DNAH14: variants seen among roughly 807,000 people sequenced by gnomAD.
The protein encoded by DNAH14 is dynein axonemal heavy chain 14.
A neutral mutation model predicts 520.9 loss-of-function variants in DNAH14; 478 were observed. That is an observed-to-expected ratio of 0.92 (90% CI 0.85 to 0.99). The LOEUF is 0.99. DNAH14 is among the 50% of genes least tolerant of loss of function. The pLI is 0.00. For missense variants in DNAH14, 4,831 were observed against 5,234.5 expected, an observed-to-expected ratio of 0.92 and a Z score of 2.38; for synonymous variants, 1,581 against 1,757.2, an observed-to-expected ratio of 0.90 and a Z score of 2.51.
intron 58 of DNAH14, among the ~76,000 whole-genome samples, chr1:225,306,543 A>G (rs779859738): frequency 6.6e-6 from 1 of 152,096 alleles, no homozygotes; most frequent in Non-Finnish European, 1.5e-5. Context: ...ACCTCCTGGG[A>G]TCTAAGGTGT....
Position 225,291,920 on chromosome 1 carries a change from T to A in DNAH14, c.8469+1838T>A, listed in dbSNP as rs370690740. Among the ~76,000 whole-genome samples the A allele has an allele frequency of 1.2e-4, 18 of 152,224 alleles. No homozygotes were observed. The South Asian group carries it at 3.7e-3, about 31-fold the overall frequency. On this transcript the variant is annotated intron_variant, in intron 55 of 85. Transcript: ENST00000682510. ...ATTTGCCCATTTTTTAATCAGGTTT[T>A]GTTTTGTTTTTCGTTCTTTATTTTT... is the stretch of plus-strand genomic sequence containing the variant.
At chr1:225,093,904 T>C (rs916314520) in intron 21 of DNAH14, among the ~76,000 whole-genome samples, 4 of 151,974 alleles carry the variant, frequency 2.6e-5, no homozygotes, top group Non-Finnish European at 5.9e-5. Flanking sequence ...AAGAGTATGA[T>C]ACTAGGAATG....
intron 75 of DNAH14, among the ~76,000 whole-genome samples, chr1:225,363,533 A>C (rs566617952): frequency 6.6e-6 from 1 of 152,060 alleles, no homozygotes; most frequent in Non-Finnish European, 1.5e-5. Flanking sequence ...CCATACCCTA[A>C]ATCTCCTTTA....
At chr1:225,026,100 G>A (rs2066097385) in intron 11 of DNAH14, among the ~76,000 whole-genome samples, 1 of 151,942 alleles carries the variant, frequency 6.6e-6, no homozygotes, top group Non-Finnish European at 1.5e-5. Flanking sequence ...ACATAGCTGG[G>A]ACTACAGGTT....
At chr1:225,082,783 A>T in intron 20 of DNAH14, 44 bp downstream of exon 20, 6 of 1,482,764 alleles carry the variant, frequency 4.0e-6, no homozygotes, top group Non-Finnish European at 5.5e-6. Context: ...GAAATACCAG[A>T]TGGGCCAATT....
chr1:225,161,746 C>A (rs1456241983), intron 35 of DNAH14, among the ~76,000 whole-genome samples: 1 of 152,122 alleles, frequency 6.6e-6, no homozygotes, highest in African/African-American at 2.4e-5. Flanking sequence ...ATTTGTATTT[C>A]TCTGATGATC....
chr1:225,118,072 G>T (rs2077000822), intron 25 of DNAH14, 73 bp downstream of exon 25: 1 of 1,183,408 alleles, frequency 8.5e-7, no homozygotes, highest in South Asian at 1.3e-5. Context: ...TGAAATTTTT[G>T]ATATATTATA....
At chr1:225,363,154 A>G (rs1004934308) in intron 75 of DNAH14, among the ~76,000 whole-genome samples, 1 of 151,988 alleles carries the variant, frequency 6.6e-6, no homozygotes, top group African/African-American at 2.4e-5. Context: ...CATTTACCCT[A>G]TCATTTCTCT....
At chr1:225,352,255 A>G (rs972740085) in intron 72 of DNAH14, among the ~76,000 whole-genome samples, 1 of 152,112 alleles carries the variant, frequency 6.6e-6, no homozygotes. Context: ...CAAATGACTT[A>G]CTATTTTTAG....
intron 21 of DNAH14, among the ~76,000 whole-genome samples, chr1:225,092,182 A>G (rs997738640): frequency 6.6e-6 from 1 of 152,160 alleles, no homozygotes; most frequent in Non-Finnish European, 1.5e-5. Context: ...ATAAACAAAG[A>G]TATTCAGGAC....
chr1:225,036,030 G>A (rs7511743), intron 11 of DNAH14, among the ~76,000 whole-genome samples: 2,398 of 152,244 alleles, frequency 0.016, 20 homozygotes, highest in Non-Finnish European at 0.022. Context: ...AAGGCGGCTC[G>A]CCAGTCAAGA....
chr1:225,340,727 A>G (rs770046808), intron 69 of DNAH14, 26 bp downstream of exon 69: 1 of 1,540,864 alleles, frequency 6.5e-7, no homozygotes, highest in South Asian at 1.2e-5. Flanking sequence ...TAGTGATAGT[A>G]AGAGATCTTT....
chr1:225,388,575 T>A, intron 82 of DNAH14, 84 bp downstream of exon 82: 1 of 748,482 alleles, frequency 1.3e-6, no homozygotes, highest in Non-Finnish European at 2.2e-6. Context: ...ATGCTTGGTC[T>A]CCTTGGGTTC....
At chr1:225,260,197 A>T (rs985830737) in intron 46 of DNAH14, among the ~76,000 whole-genome samples, 21 of 152,102 alleles carry the variant, frequency 1.4e-4, no homozygotes, top group Non-Finnish European at 2.9e-4. Flanking sequence ...CTAAAAATAC[A>T]AAAGATTAGC....
intron 27 of DNAH14, among the ~76,000 whole-genome samples, chr1:225,140,529 G>C (rs951652831): frequency 2.0e-5 from 3 of 152,058 alleles, no homozygotes; most frequent in African/African-American, 7.2e-5. Flanking sequence ...GTAAGAGTTA[G>C]GAAGATTTAA....
intron 36 of DNAH14, among the ~76,000 whole-genome samples, chr1:225,182,859 G>C (rs561199636): frequency 6.6e-6 from 1 of 152,302 alleles, no homozygotes; most frequent in East Asian, 1.9e-4. Context: ...ATTCACCAAT[G>C]GCTGACTAAA....
chr1:225,345,978 T>C lies in DNAH14; in HGVS notation c.10695T>C (p.Asp3565=). 1.3e-6 allele frequency: 2 copies of C among 1,549,898 alleles called. No homozygotes were observed. Among genetic ancestry groups the C allele is most frequent in the South Asian group, 1.2e-5 (1 of 83,954 alleles). Residue 3565 remains aspartate (D), a synonymous_variant, in exon 70 of 86, where the codon GAT becomes GAC. Transcript: ENST00000682510. The part of the protein sequence containing the change: ...LQKALGSILD[D]DKIVDTLRKS... ...TGTCTTTAGGATCCATATTAGATGA[T>C]GACAAAATTGTAGATACCTTAAGAA...
intron 11 of DNAH14, among the ~76,000 whole-genome samples, chr1:225,035,499 G>GTT (rs34977027): frequency 7.4e-5 from 11 of 149,198 alleles, no homozygotes; most frequent in Admixed American, 2.7e-4. Context: ...TTTATTTGAA[G>GTT]TTTTTTTTTG....
At chr1:225,370,589 A>G (rs748073351) in intron 77 of DNAH14, among the ~76,000 whole-genome samples, 17 of 152,052 alleles carry the variant, frequency 1.1e-4, no homozygotes, top group Non-Finnish European at 1.8e-4. Flanking sequence ...CATACCAAAA[A>G]TTACAAGACA....
Sources: allele counts gnomAD v4.1 joint callset (sites outside exome capture counted in the v4.1 genomes callset), GRCh38; gene constraint gnomAD v4.1.1; transcripts MANE v1.5; gene names NCBI Gene and HGNC (gene_info 2026-07-23, HGNC 2026-07-21).